The following SEMA3B variants were observed in gnomAD, a reference collection of about 807,000 sequenced individuals.
SEMA3B encodes the protein semaphorin-3B.
SEMA3B carries 71 observed loss-of-function variants against 77.8 expected under a neutral mutation model. The observed-to-expected ratio is 0.91, with a 90% confidence interval of 0.75 to 1.11. The LOEUF is 1.11. Ranked by LOEUF, SEMA3B falls within the 50% of genes most tolerant of loss-of-function variation. SEMA3B has a pLI of 0.00. For synonymous variants in SEMA3B, 470 were observed against 452.9 expected, an observed-to-expected ratio of 1.04 and a Z score of -0.48; for missense variants, 968 against 1,056.8, an observed-to-expected ratio of 0.92 and a Z score of 1.17.
chr3:50,268,354 G>A (rs895919967), upstream of SEMA3B, among the ~76,000 whole-genome samples: 3 of 152,208 alleles, frequency 2.0e-5, no homozygotes, highest in Admixed American at 2.0e-4. Flanking sequence ...AGTTGGATTT[G>A]CTCACTTGCA....
At position 50,276,829 on chromosome 3, in the gene SEMA3B, C is replaced by T. The variant is rs1233852784; in HGVS notation, c.*123C>T. The T allele has an allele frequency of 2.5e-6, 3 of 1,184,948 alleles. No individual in the cohort carries two copies. In the African/African-American group the frequency reaches 4.9e-5, roughly 19 times the overall value. The allele number at this position is 1,184,948 out of a possible 1,614,324, so 73.4% of individuals were successfully genotyped here. ...TGGGGGTCACCGGCCGATGGAGACA[C>T]CAACCGACAGGCCCTGGCTGAGGGC... On this transcript the variant is annotated 3_prime_UTR_variant, in exon 17 of 17. Coordinates refer to ENST00000616701, the MANE Select transcript of SEMA3B (RefSeq NM_001290060.2). The surrounding 1 kb of genome is among the most constrained non-coding windows in gnomAD (Gnocchi z 5.8).
rs1553706364 is a variant in SEMA3B, at chr3:50,275,401, G to A, written c.1591G>A (p.Asp531Asn). 1 of 1,596,742 alleles carries A rather than the reference G, an allele frequency of 6.3e-7. No homozygotes were observed. Among genetic ancestry groups the A allele is most frequent in the Non-Finnish European group, 8.5e-7 (1 of 1,172,284 alleles). ...RVCTECCLAR[D>N]PYCAWDGVAC... ...CTGCACCGAATGCTGTCTGGCGCGT[G>A]ACCCCTACTGCGCCTGGGACGGGGT... The change falls in exon 14 of 17, where the codon GAC becomes AAC. Residue 531 changes from aspartate (D) to asparagine (N), a missense_variant. By Grantham distance (23) the Asp-to-Asn change is conservative. Coordinates refer to ENST00000616701, the MANE Select transcript of SEMA3B (RefSeq NM_001290060.2). This position sits in a 1 kb window ranked among gnomAD's most constrained non-coding sequence, Gnocchi z 7.5.
chr3:50,260,303 G>T, the SEMA3B span: 1 of 152,240 alleles, frequency 6.6e-6, no homozygotes, highest in Non-Finnish European at 1.5e-5. Context: ...AGGGCGGGCC[G>T]GGGTCGGCGC....
chr3:50,276,640 T>G lies in SEMA3B; in HGVS notation c.2184T>G (p.Arg728=). 6.3e-7 allele frequency: 1 copy of G among 1,595,308 alleles called. No individual in the cohort carries two copies. The highest frequency in any genetic ancestry group is 8.5e-7 in the Non-Finnish European group (1 of 1,175,682). ...CCCTGGAGTCGCGGAGAAAGGGCCGTAACCGGAGGACCCACGCCCCTGAGC... is the reference window on the plus strand; with the variant it reads ...CCCTGGAGTCGCGGAGAAAGGGCCGGAACCGGAGGACCCACGCCCCTGAGC... ...SLPLESRRKG[R]NRRTHAPEPR... Residue 728 remains arginine, a synonymous_variant, in exon 17 of 17, where the codon CGT becomes CGG. Coordinates refer to ENST00000616701, the MANE Select transcript of SEMA3B (RefSeq NM_001290060.2). This position sits in a 1 kb window ranked among gnomAD's most constrained non-coding sequence, Gnocchi z 5.8.
chr3:50,274,390 A>G lies in SEMA3B; in HGVS notation c.1165A>G (p.Ser389Gly). 4 of 1,488,262 alleles carry G rather than the reference A, an allele frequency of 2.7e-6. No homozygotes were observed. Among genetic ancestry groups the G allele is most frequent in the Non-Finnish European group, 3.6e-6 (4 of 1,119,600 alleles). 92.2% of individuals were successfully genotyped at this position (1,488,262 alleles called of 1,614,324 possible). ...MCPSKTFGTF[S>G]STKDFPDDVI... is the part of the protein sequence containing the mutation. ...CCCCAGCAAGACCTTTGGCACCTTC[A>G]GTTCCACCAAGGACTTCCCAGACGA... Residue 389 changes from serine (S) to glycine (G), a missense_variant, in exon 11 of 17, where the codon AGT becomes GGT. Physicochemically the swap from Ser to Gly is moderately conservative, Grantham distance 56. Transcript: ENST00000616701. This position sits in a 1 kb window ranked among gnomAD's most constrained non-coding sequence, Gnocchi z 4.7.
Position 50,269,167 on chromosome 3 carries a change from G to T in SEMA3B, c.-74G>T, listed in dbSNP as rs1700974687. 1.8e-6 allele frequency: 2 copies of T among 1,125,408 alleles called. No homozygotes were observed. The highest frequency in any genetic ancestry group is 5.1e-5 in the East Asian group (2 of 38,996). 69.7% of individuals were successfully genotyped at this position (1,125,408 alleles called of 1,614,324 possible). On this transcript the variant is annotated 5_prime_UTR_variant, in exon 1 of 17. Transcript: ENST00000616701. The surrounding 1 kb of genome is among the most constrained non-coding windows in gnomAD (Gnocchi z 4.0). ...CTGCTGACTCCTCTTCCAGATCCTG[G>T]GGCAGAGTCCAGGGCAGCTCAAGGC...
At chr3:50,271,893 C>G (rs1449992691) in intron 6 of SEMA3B, among the ~76,000 whole-genome samples, 3 of 152,148 alleles carry the variant, frequency 2.0e-5, no homozygotes, top group African/African-American at 7.2e-5. Context: ...AGTGCAAAGG[C>G]CTGGATGCAA....
At position 50,269,808 on chromosome 3, in the gene SEMA3B, G is replaced by A. The variant is rs1334396443; in HGVS notation, c.110-319G>A. Among the ~76,000 whole-genome samples the A allele has an allele frequency of 4.6e-5, 7 of 152,238 alleles. 1 individual carries two copies. In the South Asian group the frequency reaches 6.2e-4, roughly 14 times the overall value. On this transcript the variant is annotated intron_variant, in intron 1 of 16. Transcript: ENST00000616701. The surrounding 1 kb of genome is among the most constrained non-coding windows in gnomAD (Gnocchi z 4.0). The stretch of plus-strand genomic sequence containing the variant: ...GGGAGTTGGGGTTCTGGCCATCCCT[G>A]CATGCCAGTCTCCCCCAGGACTCTG...
At position 50,270,921 on chromosome 3, in the gene SEMA3B, A is replaced by C. The variant is rs782092187; in HGVS notation, c.362A>C (p.His121Pro). 1 of 1,611,148 alleles carries C rather than the reference A, an allele frequency of 6.2e-7. No individual in the cohort carries two copies. The highest frequency in any genetic ancestry group is 8.5e-7 in the Non-Finnish European group (1 of 1,178,690). ...TGCATGAACTTCGTGAAGTTGCTGCATGCCTACAACCGCACCCATTTGCTG... is the reference window on the plus strand; with the variant it reads ...TGCATGAACTTCGTGAAGTTGCTGCCTGCCTACAACCGCACCCATTTGCTG... ...TECMNFVKLL[H>P]AYNRTHLLAC... The change falls in exon 4 of 17, where the codon CAT (histidine) becomes CCT (proline). Residue 121 changes from histidine (H) to proline (P), a missense_variant. Physicochemically the swap from His to Pro is moderately conservative, Grantham distance 77. Transcript: ENST00000616701. This position sits in a 1 kb window ranked among gnomAD's most constrained non-coding sequence, Gnocchi z 4.7.
chr3:50,276,712 CTGT>C lies in SEMA3B; in HGVS notation c.*7_*9del. The C allele has an allele frequency of 2.7e-6, 4 of 1,497,544 alleles. No individual in the cohort carries two copies. The highest frequency in any genetic ancestry group is 3.5e-6 in the Non-Finnish European group (4 of 1,132,156). The allele number at this position is 1,497,544 out of a possible 1,614,324, so 92.8% of individuals were successfully genotyped here. On this transcript the variant is annotated 3_prime_UTR_variant, in exon 17 of 17. Coordinates refer to ENST00000616701, the MANE Select transcript of SEMA3B (RefSeq NM_001290060.2). This position sits in a 1 kb window ranked among gnomAD's most constrained non-coding sequence, Gnocchi z 5.8. ...GCAGCGCAACGCACTGGTGACCAGA[CTGT>C]CCCCACGCCGGGAACCAAGCAGGAG...
the SEMA3B span, chr3:50,261,296 G>C: frequency 6.6e-6 from 1 of 152,274 alleles, no homozygotes; most frequent in Non-Finnish European, 1.5e-5. Context: ...CAGGGACCCA[G>C]GCTCATGCTC....
chr3:50,270,997 C>A lies in SEMA3B; in HGVS notation c.438C>A (p.Gly146=). The change falls in exon 4 of 17, where the codon GGC becomes GGA. Residue 146 remains glycine (G), a synonymous_variant. Transcript: ENST00000616701. This position sits in a 1 kb window ranked among gnomAD's most constrained non-coding sequence, Gnocchi z 4.7. ...CAACCTGTGCCTTTGTGGAAGTGGGCCACCGGGCAGAGGTAAGGCCGGATC... is the reference window on the plus strand; with the variant it reads ...CAACCTGTGCCTTTGTGGAAGTGGGACACCGGGCAGAGGTAAGGCCGGATC... The part of the protein sequence containing the change: ...FHPTCAFVEV[G]HRAEEPVLRL... 6.2e-7 allele frequency: 1 copy of A among 1,604,918 alleles called. No homozygotes were observed. Among genetic ancestry groups the A allele is most frequent in the Non-Finnish European group, 8.5e-7 (1 of 1,175,682 alleles).
At position 50,273,658 on chromosome 3, in the gene SEMA3B, A is replaced by T; in HGVS notation, c.922+12A>T. On this transcript the variant is annotated intron_variant, in intron 8 of 16. Coordinates refer to ENST00000616701, the MANE Select transcript of SEMA3B (RefSeq NM_001290060.2). The surrounding 1 kb of genome is among the most constrained non-coding windows in gnomAD (Gnocchi z 6.5). The stretch of plus-strand genomic sequence containing the variant: ...CTTCGATCAGCTCCGTGAGTGCGGG[A>T]GTGGGTATGGGGTTGGGGAGGGGGG... 1 of 1,606,950 alleles carries T rather than the reference A, an allele frequency of 6.2e-7. No individual in the cohort carries two copies. Among genetic ancestry groups the T allele is most frequent in the South Asian group, 1.1e-5 (1 of 90,988 alleles).
Position 50,275,957 on chromosome 3 carries a change from C to A in SEMA3B, c.1845+113C>A. ...CAACCAGACCCACTCCCCGCCCTGT[C>A]CAGTTTGGTCCCTCACCTGCACTCC... On this transcript the variant is annotated intron_variant, in intron 16 of 16. Transcript: ENST00000616701. The surrounding 1 kb of genome is among the most constrained non-coding windows in gnomAD (Gnocchi z 7.5). 1 of 1,356,710 alleles carries A rather than the reference C, an allele frequency of 7.4e-7. No individual in the cohort carries two copies. The highest frequency in any genetic ancestry group is 9.7e-7 in the Non-Finnish European group (1 of 1,026,446). 84.0% of individuals were successfully genotyped at this position (1,356,710 alleles called of 1,614,324 possible).
chr3:50,267,031 C>T (rs114816066), upstream of SEMA3B: 1,111 of 155,406 alleles, frequency 7.1e-3, 25 homozygotes, highest in African/African-American at 0.025. This position sits in a 1 kb window ranked among gnomAD's most constrained non-coding sequence, Gnocchi z 5.7. Flanking sequence ...GCTCCTCCTG[C>T]GTCTGCCCCT....
At position 50,273,868 on chromosome 3, in the gene SEMA3B, T is replaced by A. The variant is rs1553705933; in HGVS notation, c.992+40T>A. 16 of 1,570,324 alleles carry A rather than the reference T, an allele frequency of 1.0e-5. No homozygotes were observed. The highest frequency in any genetic ancestry group is 1.4e-5 in the Non-Finnish European group (16 of 1,156,146). On this transcript the variant is annotated intron_variant, in intron 9 of 16. Coordinates refer to ENST00000616701, the MANE Select transcript of SEMA3B (RefSeq NM_001290060.2). The surrounding 1 kb of genome is among the most constrained non-coding windows in gnomAD (Gnocchi z 6.5). ...GTAGGGAGCGCCCGGGGCGGGCCGC[T>A]GGGCTCCACCCGGCCCCTCACCTCG...
intron 6 of SEMA3B, among the ~76,000 whole-genome samples, chr3:50,272,854 C>CT (rs1559787481): frequency 1.8e-3 from 65 of 37,140 alleles, no homozygotes; most frequent in Non-Finnish European, 1.1e-3. Context: ...AATAAATAAA[C>CT]AAATAATAAT....
upstream of SEMA3B, chr3:50,263,258 G>A (rs1286860040): frequency 4.3e-4 from 1 of 2,306 alleles, no homozygotes; most frequent in African/African-American, 2.2e-3. Context: ...ACTTTGGGAG[G>A]CTGAGGCAGG....
chr3:50,260,710 A>G, the SEMA3B span: 2 of 152,308 alleles, frequency 1.3e-5, no homozygotes, highest in Non-Finnish European at 2.9e-5. Context: ...CCCTGCACAG[A>G]GGGACCATTG....
Sources: allele counts gnomAD v4.1 joint callset (sites outside exome capture counted in the v4.1 genomes callset), GRCh38; gene constraint gnomAD v4.1.1; non-coding constraint Gnocchi (gnomAD v3.1); transcripts MANE v1.5; gene names NCBI Gene and HGNC (gene_info 2026-07-23, HGNC 2026-07-21).